Variants in CAMTA1 observed in about 807,000 individuals in gnomAD.
CAMTA1 encodes calmodulin-binding transcription activator 1.
Under a neutral mutation model 170.9 loss-of-function variants are expected in CAMTA1, and 27 were observed. That is an observed-to-expected ratio of 0.16 (90% CI 0.12 to 0.22). CAMTA1 has a LOEUF of 0.22. Among genes scored for constraint, CAMTA1 ranks in the 10% least tolerant of loss-of-function variants. CAMTA1 has a pLI of 1.00. For synonymous variants in CAMTA1, 833 were observed against 891.5 expected, an observed-to-expected ratio of 0.93 and a Z score of 1.17; for missense variants, 1,619 against 2,217.2, an observed-to-expected ratio of 0.73 and a Z score of 5.42.
At chr1:7,687,918 A>G (rs2096272425) in intron 11 of CAMTA1, among the ~76,000 whole-genome samples, 1 of 151,876 alleles carries the variant, frequency 6.6e-6, no homozygotes, top group Non-Finnish European at 1.5e-5. Flanking sequence ...TGGGTGCAAG[A>G]ATCGTGCAGA....
rs145525007 is a variant in CAMTA1 at position 6,970,237 on chromosome 1, C to T, written c.235-121067C>T. On this transcript the variant is annotated intron_variant, in intron 3 of 22. Transcript: ENST00000303635. This position sits in a 1 kb window ranked among gnomAD's most constrained non-coding sequence, Gnocchi z 4.4. ...TCCCTACCACTCTCAGTGATTTCAG[C>T]GCATCTCTGTGCCTTTTTTGGTCCA... 1.5e-3 allele frequency among the ~76,000 whole-genome samples: 221 copies of T among 152,328 alleles called. 3 individuals are homozygous for T. Among genetic ancestry groups the T allele is most frequent in the African/African-American group, 5.1e-3 (212 of 41,562 alleles).
At chr1:6,838,460 A>G (rs1654195949) in intron 3 of CAMTA1, among the ~76,000 whole-genome samples, 1 of 152,210 alleles carries the variant, frequency 6.6e-6, no homozygotes, top group Non-Finnish European at 1.5e-5. Flanking sequence ...AGGTAGAAGC[A>G]TGAAGCCCAG....
chr1:7,082,032 C>T (rs1036305979), intron 3 of CAMTA1, among the ~76,000 whole-genome samples: 1 of 152,158 alleles, frequency 6.6e-6, no homozygotes, highest in Non-Finnish European at 1.5e-5. Flanking sequence ...TTCCATTTTC[C>T]CCACTCCCAT....
intron 5 of CAMTA1, among the ~76,000 whole-genome samples, chr1:7,296,441 A>G (rs947133388): frequency 2.0e-5 from 3 of 152,220 alleles, no homozygotes; most frequent in Non-Finnish European, 4.4e-5. Context: ...TGACAAGAGA[A>G]GATGATGACT....
intron 11 of CAMTA1, among the ~76,000 whole-genome samples, chr1:7,688,937 T>C (rs1027251283): frequency 1.3e-5 from 2 of 152,178 alleles, no homozygotes; most frequent in African/African-American, 2.4e-5. Flanking sequence ...ATGTGTCATA[T>C]GGACCATACT....
At chr1:7,727,267 C>T (rs923292513) in intron 11 of CAMTA1, among the ~76,000 whole-genome samples, 11 of 151,932 alleles carry the variant, frequency 7.2e-5, no homozygotes, top group East Asian at 1.9e-4. Context: ...GAACTACAGG[C>T]GCCCGCCACC....
chr1:7,574,323 C>T (rs561258598), intron 6 of CAMTA1, among the ~76,000 whole-genome samples: 12 of 152,268 alleles, frequency 7.9e-5, no homozygotes, highest in Non-Finnish European at 1.5e-4. Flanking sequence ...GGAAATGGGG[C>T]GGTGCCTGAA....
intron 1 of CAMTA1, among the ~76,000 whole-genome samples, chr1:6,800,788 C>G (rs141395767): frequency 0.015 from 2,231 of 152,310 alleles, 29 homozygotes; most frequent in Middle Eastern, 0.041. Flanking sequence ...AACCTGCTCC[C>G]TGGGCCTCCT....
chr1:7,387,907 T>A (rs2088195912), intron 5 of CAMTA1, among the ~76,000 whole-genome samples: 1 of 152,200 alleles, frequency 6.6e-6, no homozygotes, highest in Non-Finnish European at 1.5e-5. Flanking sequence ...TTTTCGCAGA[T>A]AATGTACAGA....
chr1:7,147,002 G>A (rs547874263), intron 4 of CAMTA1, among the ~76,000 whole-genome samples: 34 of 150,392 alleles, frequency 2.3e-4, no homozygotes, highest in Admixed American at 4.6e-4. Flanking sequence ...ACGCACACAC[G>A]CACTCAAACA....
At chr1:7,308,320 T>C (rs986947992) in intron 5 of CAMTA1, among the ~76,000 whole-genome samples, 1 of 152,032 alleles carries the variant, frequency 6.6e-6, no homozygotes, top group Non-Finnish European at 1.5e-5. Context: ...CTTTCATTGA[T>C]TTTCTCTATT....
At chr1:7,739,002 T>C (rs2096790951) in intron 16 of CAMTA1, among the ~76,000 whole-genome samples, 1 of 152,174 alleles carries the variant, frequency 6.6e-6, no homozygotes, top group African/African-American at 2.4e-5. Context: ...TGATTGCCCT[T>C]ATAATAAATC....
intron 4 of CAMTA1, among the ~76,000 whole-genome samples, chr1:7,221,903 G>GCACACACACACACACACACACA (rs1660833931): frequency 1.6e-5 from 2 of 124,274 alleles, no homozygotes; most frequent in African/African-American, 1.1e-4. Context: ...ACAAGCTGGT[G>GCACACACACACACACACACACA]CATACACACA....
chr1:6,813,385 C>A (rs977168543), intron 1 of CAMTA1, among the ~76,000 whole-genome samples: 2 of 151,310 alleles, frequency 1.3e-5, no homozygotes, highest in Non-Finnish European at 2.9e-5. Context: ...TAAATTAATA[C>A]TAATTAAATA....
At chr1:7,643,114 C>T (rs946039290) in intron 7 of CAMTA1, among the ~76,000 whole-genome samples, 5 of 152,072 alleles carry the variant, frequency 3.3e-5, no homozygotes, top group African/African-American at 1.2e-4. Flanking sequence ...GCTCCTCCCA[C>T]CCCTCAGTGT....
At chr1:7,452,561 C>T (rs1279966207) in intron 5 of CAMTA1, among the ~76,000 whole-genome samples, 1 of 152,230 alleles carries the variant, frequency 6.6e-6, no homozygotes, top group African/African-American at 2.4e-5. Flanking sequence ...GACCACCAAT[C>T]TGCATTCTGA....
At chr1:7,018,329 T>C (rs998047476) in intron 3 of CAMTA1, among the ~76,000 whole-genome samples, 23 of 152,170 alleles carry the variant, frequency 1.5e-4, no homozygotes, top group African/African-American at 4.8e-4. Flanking sequence ...AAGACACAGA[T>C]AGTGAGGGAC....
chr1:6,829,950 T>G (rs1649062308), intron 3 of CAMTA1, among the ~76,000 whole-genome samples: 1 of 152,254 alleles, frequency 6.6e-6, no homozygotes, highest in Non-Finnish European at 1.5e-5. Context: ...CACTCATTTC[T>G]TAGGAAAGTA....
chr1:7,593,749 C>T (rs1399751720), intron 6 of CAMTA1, among the ~76,000 whole-genome samples: 2 of 150,448 alleles, frequency 1.3e-5, no homozygotes, highest in Non-Finnish European at 3.0e-5. Flanking sequence ...CCTTGGCCTC[C>T]CAAACTGTTG....
Sources: gnomAD v4.1 joint callset for allele counts (sites outside exome capture counted in the v4.1 genomes callset) on GRCh38, gnomAD v4.1.1 for gene constraint, Gnocchi (gnomAD v3.1) non-coding constraint, MANE v1.5 for transcripts, NCBI Gene and HGNC (gene_info 2026-07-23, HGNC 2026-07-21) for gene names.